NEDD4L: variants seen among roughly 807,000 people sequenced by gnomAD.
NEDD4L encodes E3 ubiquitin-protein ligase NEDD4-like.
NEDD4L carries 54 observed loss-of-function variants against 148.9 expected under a neutral mutation model. That is an observed-to-expected ratio of 0.36 (90% CI 0.29 to 0.45). The LOEUF (loss-of-function observed/expected upper bound fraction) is 0.45, where lower values mean the gene tolerates loss of function less well. Among genes scored for constraint, NEDD4L ranks in the 20% least tolerant of loss-of-function variants. The pLI, the probability that NEDD4L is intolerant of heterozygous loss-of-function variation, is 1.00. For synonymous variants in NEDD4L, 433 were observed against 440.7 expected (o/e 0.98, Z 0.22); for missense variants, 856 against 1,233.8 (o/e 0.69, Z 4.59).
At chr18:58,243,844 A>T (rs191495532) in intron 2 of NEDD4L, among the ~76,000 whole-genome samples, 1,603 of 151,456 alleles carry the variant, frequency 0.011, 34 homozygotes, top group African/African-American at 0.037. Flanking sequence ...TAAAAAAAAA[A>T]TAAAAAATAT....
At chr18:58,050,277 A>G (rs1052926773) in intron 1 of NEDD4L, among the ~76,000 whole-genome samples, 3 of 151,722 alleles carry the variant, frequency 2.0e-5, no homozygotes, top group African/African-American at 7.3e-5. Flanking sequence ...ACATGGTGAA[A>G]CCCTGTCTCT....
intron 5 of NEDD4L, among the ~76,000 whole-genome samples, chr18:58,253,180 A>G (rs1350511872): frequency 6.6e-6 from 1 of 152,182 alleles, no homozygotes; most frequent in African/African-American, 2.4e-5. Context: ...GAATTGGAGG[A>G]GCCTTATACA....
chr18:58,278,619 G>A (rs907862816), intron 5 of NEDD4L, among the ~76,000 whole-genome samples: 5 of 152,040 alleles, frequency 3.3e-5, no homozygotes, highest in South Asian at 4.1e-4. Flanking sequence ...CACTGGGCCC[G>A]TCCCTGCCTT....
At chr18:58,254,560 CAA>C (rs71173040) in intron 5 of NEDD4L, among the ~76,000 whole-genome samples, 14 of 111,914 alleles carry the variant, frequency 1.3e-4, no homozygotes, top group African/African-American at 1.3e-4. Flanking sequence ...AAATTATTAC[CAA>C]AAAAAAAAAA....
intron 30 of NEDD4L, among the ~76,000 whole-genome samples, chr18:58,395,743 G>A (rs942732640): frequency 2.6e-5 from 4 of 152,176 alleles, no homozygotes; most frequent in Non-Finnish European, 5.9e-5. Flanking sequence ...ATAGGGTTGT[G>A]ATGAAAATGA....
intron 25 of NEDD4L, 109 bp from the exon 26 acceptor site, chr18:58,385,417 C>G (rs1302886473): frequency 8.0e-6 from 7 of 871,662 alleles, no homozygotes; most frequent in South Asian, 6.6e-5. Flanking sequence ...GAGACCCTCC[C>G]CTCTGCTCTG....
chr18:58,118,512 A>G (rs2086007386), intron 1 of NEDD4L, among the ~76,000 whole-genome samples: 1 of 152,178 alleles, frequency 6.6e-6, no homozygotes, highest in South Asian at 2.1e-4. Context: ...AAAAATCTGA[A>G]AGAACTGCGC....
chr18:58,380,690 A>G (rs568479594), intron 24 of NEDD4L, among the ~76,000 whole-genome samples: 8 of 152,178 alleles, frequency 5.3e-5, no homozygotes, highest in Admixed American at 3.3e-4. Context: ...CATCATCTAC[A>G]TTAGGTATTT....
chr18:58,108,932 G>A (rs1028829372), intron 1 of NEDD4L, among the ~76,000 whole-genome samples: 7 of 152,226 alleles, frequency 4.6e-5, no homozygotes, highest in Admixed American at 6.5e-5. Context: ...TGGATGTGGA[G>A]GTTCTGTCCA....
At chr18:58,057,444 C>T (rs533659448) in intron 1 of NEDD4L, among the ~76,000 whole-genome samples, 273 of 152,212 alleles carry the variant, frequency 1.8e-3, no homozygotes, top group South Asian at 0.016. Context: ...TTTGGTCAGC[C>T]GGTCTGGCAG....
chr18:58,191,414 C>A (rs1366616569), intron 2 of NEDD4L, among the ~76,000 whole-genome samples: 1 of 152,188 alleles, frequency 6.6e-6, no homozygotes, highest in Non-Finnish European at 1.5e-5. Flanking sequence ...GTTAATGAAG[C>A]TCTGAGATCA....
chr18:58,197,064 T>C (rs760527017), intron 2 of NEDD4L, among the ~76,000 whole-genome samples: 1 of 152,204 alleles, frequency 6.6e-6, no homozygotes, highest in Non-Finnish European at 1.5e-5. Flanking sequence ...GTTTGCTTGA[T>C]GGCGACTTCT....
chr18:58,385,632 G>A (rs754154274), intron 26 of NEDD4L, 46 bp downstream of exon 26: 32 of 1,444,132 alleles, frequency 2.2e-5, no homozygotes, highest in South Asian at 6.8e-5. Context: ...CTCTGGTCCC[G>A]GGTCGATGGG....
chr18:58,126,434 C>T (rs933429719), intron 1 of NEDD4L, among the ~76,000 whole-genome samples: 2 of 152,102 alleles, frequency 1.3e-5, no homozygotes, highest in Non-Finnish European at 2.9e-5. Context: ...GTTTCCACGG[C>T]CCATCCCGTG....
At chr18:58,225,644 A>G (rs1287289757) in intron 2 of NEDD4L, among the ~76,000 whole-genome samples, 1 of 152,180 alleles carries the variant, frequency 6.6e-6, no homozygotes, top group Non-Finnish European at 1.5e-5. Flanking sequence ...TTCAGCAAAT[A>G]TGTACCAAGC....
rs76277262 is a variant in NEDD4L, at chr18:58,393,517, G to A, written c.2825+1958G>A. ...ACTTATTTTCCTCTTTATGTGTCAC[G>A]GAAATAAAGCAACTGTGTAGTTTTC... On this transcript the variant is annotated intron_variant, in intron 30 of 30. Transcript: ENST00000400345. Among the ~76,000 whole-genome samples the A allele has an allele frequency of 3.9e-3, 589 of 152,302 alleles. 7 individuals carry two copies. Among genetic ancestry groups the A allele is most frequent in the African/African-American group, 0.014 (563 of 41,558 alleles).
intron 2 of NEDD4L, among the ~76,000 whole-genome samples, chr18:58,243,622 TTC>T (rs2046906516): frequency 6.6e-6 from 1 of 152,168 alleles, no homozygotes; most frequent in Non-Finnish European, 1.5e-5. Context: ...TGACGCCTGA[TTC>T]ATCTGCCAGC....
intron 9 of NEDD4L, 122 bp downstream of exon 9, chr18:58,325,284 G>A (rs1390532892): frequency 8.6e-7 from 1 of 1,156,926 alleles, no homozygotes; most frequent in Non-Finnish European, 1.2e-6. Context: ...AGATGGTGGT[G>A]TGGTACGAGA....
chr18:58,395,796 G>A (rs2050414555), intron 30 of NEDD4L, among the ~76,000 whole-genome samples: 1 of 152,178 alleles, frequency 6.6e-6, no homozygotes. Context: ...GAGGCCTAGT[G>A]TGGAATAAGT....
Sources: allele counts gnomAD v4.1 joint callset (sites outside exome capture counted in the v4.1 genomes callset), GRCh38; gene constraint gnomAD v4.1.1; transcripts MANE v1.5; gene names NCBI Gene and HGNC (gene_info 2026-07-23, HGNC 2026-07-21).